The following SAMD3 variants were observed in gnomAD, a reference collection of about 807,000 sequenced individuals.
SAMD3 encodes the protein sterile alpha motif domain containing 3.
In SAMD3, 63 loss-of-function variants were observed where a neutral mutation model predicts 58.5. The ratio of observed to expected loss-of-function variants is 1.08; its 90% CI spans 0.88 to 1.33. The LOEUF is 1.33. Among genes scored for constraint, SAMD3 ranks in the 40% most tolerant of loss-of-function variants. SAMD3 has a pLI of 0.00. For missense variants in SAMD3, 604 were observed against 608.4 expected (o/e 0.99, Z 0.08); for synonymous variants, 220 against 210.3 (o/e 1.05, Z -0.40).
chr6:130,152,583 A>G (rs1789314958), intron 9 of SAMD3, among the ~76,000 whole-genome samples: 1 of 152,146 alleles, frequency 6.6e-6, no homozygotes, highest in Non-Finnish European at 1.5e-5. Context: ...AGGCTGAGGC[A>G]GGAAAATCAC....
At chr6:130,280,707 A>G (rs1300357100) in intron 2 of SAMD3, among the ~76,000 whole-genome samples, 1 of 152,210 alleles carries the variant, frequency 6.6e-6, no homozygotes, top group Admixed American at 6.5e-5. Flanking sequence ...TTGGAACATT[A>G]CATTGCAGTC....
At chr6:130,308,281 C>G (rs75373752) in intron 2 of SAMD3, among the ~76,000 whole-genome samples, 1 of 151,240 alleles carries the variant, frequency 6.6e-6, no homozygotes, top group Non-Finnish European at 1.5e-5. Context: ...TTTTTAGATG[C>G]CTATAAATTC....
intron 8 of SAMD3, among the ~76,000 whole-genome samples, chr6:130,158,471 T>G (rs1396043375): frequency 1.3e-5 from 2 of 152,110 alleles, no homozygotes; most frequent in East Asian, 3.8e-4. Flanking sequence ...CAAGAAAATT[T>G]TCTATCCATA....
chr6:130,272,117 A>G (rs1774586764), intron 2 of SAMD3, among the ~76,000 whole-genome samples: 1 of 152,206 alleles, frequency 6.6e-6, no homozygotes, highest in Non-Finnish European at 1.5e-5. Context: ...ATACTCTTAT[A>G]TTGTTACGTT....
At chr6:130,225,959 A>G (rs896801214), upstream of SAMD3, among the ~76,000 whole-genome samples, 2 of 152,192 alleles carry the variant, frequency 1.3e-5, no homozygotes, top group Non-Finnish European at 2.9e-5. Context: ...TTCTGATCAC[A>G]TCACCCTTCT....
At chr6:130,347,288 G>A (rs1012970114) in intron 1 of SAMD3, among the ~76,000 whole-genome samples, 2 of 152,160 alleles carry the variant, frequency 1.3e-5, no homozygotes, top group Admixed American at 6.5e-5. Context: ...CAAGCTAAAG[G>A]AGGAAGTTCA....
At position 130,300,659 on chromosome 6, in the gene SAMD3, A is replaced by T. The variant is rs1775715125; in HGVS notation, c.-188+12319T>A. Among the ~76,000 whole-genome samples, 3 of 152,356 alleles carry T rather than the reference A, an allele frequency of 2.0e-5. No homozygotes were observed. In the South Asian group the frequency reaches 6.2e-4, roughly 32 times the overall value. Reference sequence around the variant, plus strand: ...CAGAAAAAATAAAGAAATAAAAGGCATCCACATAGGAAAAGAGAAAGTCAA... The same window carrying T: ...CAGAAAAAATAAAGAAATAAAAGGCTTCCACATAGGAAAAGAGAAAGTCAA... On this transcript the variant is annotated intron_variant, in intron 2 of 13. Coordinates refer to the SAMD3 transcript ENST00000368134.
chr6:130,241,324 T>G (rs1470565893), intron 2 of SAMD3, among the ~76,000 whole-genome samples: 1 of 150,604 alleles, frequency 6.6e-6, no homozygotes, highest in Non-Finnish European at 1.5e-5. Context: ...CAAGTGATTC[T>G]CCTGCTTCAG....
chr6:130,230,782 G>A (rs1347047570), intron 2 of SAMD3, among the ~76,000 whole-genome samples: 1 of 152,206 alleles, frequency 6.6e-6, no homozygotes, highest in East Asian at 1.9e-4. Context: ...AATTGAATGA[G>A]CAAACATATT....
intron 2 of SAMD3, among the ~76,000 whole-genome samples, chr6:130,282,266 A>G (rs758107669): frequency 1.3e-5 from 2 of 152,206 alleles, no homozygotes; most frequent in Non-Finnish European, 2.9e-5. Context: ...CTTGTGTTCT[A>G]GTCCTAAAGA....
At chr6:130,309,339 T>A (rs754165565) in intron 2 of SAMD3, among the ~76,000 whole-genome samples, 2 of 152,226 alleles carry the variant, frequency 1.3e-5, no homozygotes, top group Non-Finnish European at 2.9e-5. Context: ...ACTTTCCTTA[T>A]CTGTAAAATG....
chr6:130,237,016 T>G (rs147062067), intron 2 of SAMD3, among the ~76,000 whole-genome samples: 60 of 152,322 alleles, frequency 3.9e-4, no homozygotes, highest in Non-Finnish European at 6.0e-4. Flanking sequence ...CAACTCAAAC[T>G]TAATATTTTT....
intron 8 of SAMD3, among the ~76,000 whole-genome samples, chr6:130,157,488 C>T (rs1215835511): frequency 2.0e-5 from 3 of 152,140 alleles, no homozygotes; most frequent in Non-Finnish European, 4.4e-5. Context: ...GCCACCACAT[C>T]TGGTTAATTT....
At chr6:130,294,845 TG>T (rs1775502682) in intron 2 of SAMD3, among the ~76,000 whole-genome samples, 9 of 151,850 alleles carry the variant, frequency 5.9e-5, no homozygotes, top group Non-Finnish European at 1.3e-4. Flanking sequence ...TTATTGTTAT[TG>T]TATTTCTTTC....
intron 4 of SAMD3, among the ~76,000 whole-genome samples, chr6:130,212,454 CA>C (rs1233996125): frequency 6.6e-6 from 1 of 152,130 alleles, no homozygotes; most frequent in African/African-American, 2.4e-5. Context: ...CTAGTTAACC[CA>C]GTTAACAAAG....
intron 1 of SAMD3, among the ~76,000 whole-genome samples, chr6:130,344,825 C>CAAAAAAAAAAAAAAAAAAA (rs56795907): frequency 2.9e-4 from 12 of 41,102 alleles, no homozygotes; most frequent in South Asian, 1.5e-3. Flanking sequence ...ACAACAACAG[C>CAAAAAAAAAAAAAAAAAAA]AAAAAAAAAA....
chr6:130,183,126 C>T (rs868074254), intron 7 of SAMD3: 8 of 313,808 alleles, frequency 2.5e-5, no homozygotes, highest in East Asian at 8.5e-5. Context: ...TGTGTTGAAA[C>T]GTCAGCGGCA....
chr6:130,325,729 T>A (rs1213030362), intron 1 of SAMD3, among the ~76,000 whole-genome samples: 1 of 152,194 alleles, frequency 6.6e-6, no homozygotes, highest in African/African-American at 2.4e-5. Flanking sequence ...TCTTTATATT[T>A]TTGGCACAAT....
Position 130,214,406 on chromosome 6 carries a change from G to T in SAMD3, c.200C>A (p.Thr67Asn). The T allele has an allele frequency of 6.2e-7, 1 of 1,613,022 alleles. No individual in the cohort carries two copies. The highest frequency in any genetic ancestry group is 8.5e-7 in the Non-Finnish European group (1 of 1,179,522). The stretch of plus-strand genomic sequence containing the variant: ...GTTTTCTGGGGACTTCAGTCCTTGA[G>T]TGTTCTGCTTGTATTTTTTAATTAA... ...MDLIKKYKQN[T>N]QGLKSPENPK... Residue 67 changes from threonine to asparagine, a missense_variant, in exon 4 of 12, where the codon ACT becomes AAT. Physicochemically the swap from Thr to Asn is moderately conservative, Grantham distance 65. Transcript: ENST00000439090.
Sources: gnomAD v4.1 joint callset for allele counts (sites outside exome capture counted in the v4.1 genomes callset) on GRCh38, gnomAD v4.1.1 for gene constraint, MANE v1.5 for transcripts, NCBI Gene and HGNC (gene_info 2026-07-23, HGNC 2026-07-21) for gene names.